Variants in CPNE8 observed in about 807,000 individuals in gnomAD.
CPNE8 encodes the protein copine-8.
CPNE8 carries 45 observed loss-of-function variants against 81.5 expected under a neutral mutation model. The ratio of observed to expected loss-of-function variants is 0.55; its 90% CI spans 0.44 to 0.71. The LOEUF (loss-of-function observed/expected upper bound fraction) is 0.71, where lower values mean the gene tolerates loss of function less well. Ranked by LOEUF, CPNE8 falls within the 30% of genes least tolerant of loss-of-function variation. CPNE8 has a pLI of 0.00. For synonymous variants in CPNE8, 252 were observed against 226.3 expected (o/e 1.11, Z -1.02); for missense variants, 594 against 672.1 (o/e 0.88, Z 1.28).
intron 6 of CPNE8, among the ~76,000 whole-genome samples, chr12:38,786,551 C>T (rs542876789): frequency 2.0e-5 from 3 of 152,230 alleles, no homozygotes; most frequent in East Asian, 3.9e-4. Flanking sequence ...GATCCTCAGC[C>T]TGCAGATGGC....
intron 19 of CPNE8, among the ~76,000 whole-genome samples, chr12:38,655,972 T>TG (rs1938806335): frequency 3.0e-5 from 2 of 67,692 alleles, no homozygotes; most frequent in African/African-American, 5.9e-5. Flanking sequence ...GCTAAGGATG[T>TG]GAAAAAAAAA....
intron 6 of CPNE8, among the ~76,000 whole-genome samples, chr12:38,793,712 A>G (rs1443444818): frequency 7.1e-6 from 1 of 141,600 alleles, no homozygotes; most frequent in African/African-American, 2.8e-5. Flanking sequence ...AAATAAATAG[A>G]AAAAAAATCA....
intron 5 of CPNE8, among the ~76,000 whole-genome samples, chr12:38,839,023 C>T (rs573206349): frequency 7.2e-5 from 11 of 152,188 alleles, no homozygotes; most frequent in African/African-American, 2.4e-4. Context: ...TCTCACCCTC[C>T]TACATTTCTG....
chr12:38,793,593 T>C (rs1601580), intron 6 of CPNE8, among the ~76,000 whole-genome samples: 146,158 of 152,040 alleles, frequency 0.96, 70,397 homozygotes, highest in East Asian at 1. Flanking sequence ...TTAAGACATC[T>C]CATGTTCATA....
rs763696958 is a variant in CPNE8, at chr12:38,905,550, CTTGGACTTGT to C, written c.-26_-17del. 38 of 1,552,664 alleles carry C rather than the reference CTTGGACTTGT, an allele frequency of 2.4e-5. No individual in the cohort carries two copies. The South Asian group carries it at 4.4e-4, about 18-fold the overall frequency. ...GGCTGTCCATATTGGGAGGAGGCGC[CTTGGACTTGT>C]CCGGCGCCCACAACCACAGCTCGGG... On this transcript the variant is annotated 5_prime_UTR_variant, in exon 1 of 20. Coordinates refer to ENST00000331366, the MANE Select transcript of CPNE8 (RefSeq NM_153634.3).
intron 16 of CPNE8, among the ~76,000 whole-genome samples, chr12:38,678,100 T>G (rs1226117924): frequency 1.3e-5 from 2 of 152,018 alleles, no homozygotes; most frequent in Non-Finnish European, 2.9e-5. Context: ...CATTACAAAT[T>G]TACTAAATGT....
intron 1 of CPNE8, among the ~76,000 whole-genome samples, chr12:38,880,118 C>T (rs763529664): frequency 1.6e-4 from 24 of 152,180 alleles, no homozygotes; most frequent in Non-Finnish European, 3.5e-4. Context: ...CAAACACTGT[C>T]CAGAATAAAT....
At chr12:38,848,904 C>G (rs1046842928) in intron 3 of CPNE8, among the ~76,000 whole-genome samples, 7 of 152,088 alleles carry the variant, frequency 4.6e-5, no homozygotes, top group African/African-American at 1.4e-4. Context: ...TTCTCCTTCT[C>G]CTCTCCCTAC....
At chr12:38,710,379 A>G (rs755576330) in intron 13 of CPNE8, among the ~76,000 whole-genome samples, 1 of 151,872 alleles carries the variant, frequency 6.6e-6, no homozygotes, top group Non-Finnish European at 1.5e-5. Flanking sequence ...CCTAGTAGGA[A>G]GACAGTGAAC....
At chr12:38,796,423 A>T (rs1459168403) in intron 6 of CPNE8, among the ~76,000 whole-genome samples, 1 of 152,250 alleles carries the variant, frequency 6.6e-6, no homozygotes, top group Non-Finnish European at 1.5e-5. Flanking sequence ...TAAAAGATTG[A>T]TGATTTCACA....
At chr12:38,663,182 C>T (rs1375200870) in intron 19 of CPNE8, among the ~76,000 whole-genome samples, 1 of 151,822 alleles carries the variant, frequency 6.6e-6, no homozygotes, top group African/African-American at 2.4e-5. Flanking sequence ...AGGAAGTAAT[C>T]AAGAGAGTGA....
At chr12:38,736,233 G>T (rs1656485176) in intron 10 of CPNE8, among the ~76,000 whole-genome samples, 1 of 87,118 alleles carries the variant, frequency 1.1e-5, no homozygotes, top group Non-Finnish European at 2.6e-5. Context: ...GTGTGTGTGT[G>T]TTGTGTGTGT....
chr12:38,754,572 C>T (rs1941420760), intron 10 of CPNE8, among the ~76,000 whole-genome samples: 1 of 151,440 alleles, frequency 6.6e-6, no homozygotes, highest in South Asian at 2.1e-4. Flanking sequence ...TCTATTGAGT[C>T]ATAAATAAAT....
chr12:38,807,672 T>C (rs10444552), intron 6 of CPNE8, among the ~76,000 whole-genome samples: 145,085 of 150,916 alleles, frequency 0.96, 69,892 homozygotes, highest in East Asian at 1. Context: ...TAGGCATTAC[T>C]ATTCAGGACA....
intron 6 of CPNE8, among the ~76,000 whole-genome samples, chr12:38,796,847 A>G (rs971273204): frequency 6.6e-6 from 1 of 152,118 alleles, no homozygotes; most frequent in Non-Finnish European, 1.5e-5. Context: ...CCACCCTAAT[A>G]CTGCGCTTTT....
At chr12:38,840,120 A>C (rs1265582430) in intron 4 of CPNE8, among the ~76,000 whole-genome samples, 165 bp from the exon 5 acceptor site, 1 of 152,192 alleles carries the variant, frequency 6.6e-6, no homozygotes, top group African/African-American at 2.4e-5. Flanking sequence ...CGTGGCTTAC[A>C]TGCCAGTGGT....
At position 38,652,811 on chromosome 12, in the gene CPNE8, G is replaced by A. The variant is rs551489697; in HGVS notation, c.*1071C>T. 7.2e-4 allele frequency: 110 copies of A among 152,700 alleles called. No homozygotes were observed. Among genetic ancestry groups the A allele is most frequent in the African/African-American group, 1.8e-3 (76 of 41,566 alleles). The allele number at this position is 152,700 out of a possible 1,614,324, so 9.5% of individuals were successfully genotyped here. A position where few individuals can be genotyped will look rare whatever the true frequency, so the allele number is the denominator to read the frequency against. Reference sequence around the variant, plus strand: ...CAGGCAGGTCAGTATATAGGAGTAGGTTATTTCACAAATGTGTTGTGCACT... The same window carrying A: ...CAGGCAGGTCAGTATATAGGAGTAGATTATTTCACAAATGTGTTGTGCACT... On this transcript the variant is annotated 3_prime_UTR_variant, in exon 20 of 20. Coordinates refer to ENST00000331366, the MANE Select transcript of CPNE8 (RefSeq NM_153634.3).
Position 38,874,485 on chromosome 12 carries a change from G to T in CPNE8, c.125C>A (p.Ser42Tyr). The T allele has an allele frequency of 6.2e-7, 1 of 1,608,974 alleles. No homozygotes were observed. Among genetic ancestry groups the T allele is most frequent in the Non-Finnish European group, 8.5e-7 (1 of 1,177,116 alleles). The stretch of plus-strand genomic sequence containing the variant: ...TACATACTTACTTGGATCAGATTTA[G>T]AAAATGTGTCTCTGTCAAGAAGATT... ...CRNLLDRDTF[S>Y]KSDPICVLYV... Residue 42 changes from serine to tyrosine, a missense_variant, in exon 2 of 20, where the codon TCT becomes TAT. Physicochemically the swap from Ser to Tyr is moderately radical, Grantham distance 144 (BLOSUM62 -2). Transcript: ENST00000331366.
At position 38,806,601 on chromosome 12, in the gene CPNE8, C is replaced by T. The variant is rs527521517; in HGVS notation, c.407+22778G>A. Among the ~76,000 whole-genome samples the T allele has an allele frequency of 2.8e-3, 416 of 148,530 alleles. 13 individuals carry two copies. Among genetic ancestry groups the T allele is most frequent in the Admixed American group, 0.024 (357 of 14,830 alleles). ...TAAATTAGGTACTGATGGGACGTATCTCAAAATAATAAGAGCTATCTATGA... is the reference window on the plus strand; with the variant it reads ...TAAATTAGGTACTGATGGGACGTATTTCAAAATAATAAGAGCTATCTATGA... On this transcript the variant is annotated intron_variant, in intron 6 of 19. Coordinates refer to ENST00000331366, the MANE Select transcript of CPNE8 (RefSeq NM_153634.3).
Sources: allele counts gnomAD v4.1 joint callset (sites outside exome capture counted in the v4.1 genomes callset), GRCh38; gene constraint gnomAD v4.1.1; transcripts MANE v1.5; gene names NCBI Gene and HGNC (gene_info 2026-07-23, HGNC 2026-07-21).